Variants in DIAPH2 observed in about 807,000 individuals in gnomAD.
DIAPH2 encodes the protein protein diaphanous homolog 2.
DIAPH2 carries 35 observed loss-of-function variants against 92.7 expected under a neutral mutation model. The observed-to-expected ratio is 0.38, with a 90% CI of 0.29 to 0.50. The LOEUF (loss-of-function observed/expected upper bound fraction) is 0.50, where lower values mean the gene tolerates loss of function less well. DIAPH2 is among the 20% of genes least tolerant of loss of function. DIAPH2 has a pLI of 0.94. For synonymous variants in DIAPH2, 301 were observed against 280.4 expected (o/e 1.07, Z -0.73); for missense variants, 701 against 819.5 (o/e 0.86, Z 1.77).
At chrX:96,995,368 A>G (rs2066097971) in intron 17 of DIAPH2, among the ~76,000 whole-genome samples, 1 of 111,599 alleles carries the variant, frequency 9.0e-6, no homozygotes, top group African/African-American at 3.3e-5. Context: ...GTTTGTTAAG[A>G]GAAAGAAAGA....
chrX:96,888,637 ATATC>A (rs1468392598), intron 5 of DIAPH2, among the ~76,000 whole-genome samples: 1 of 99,741 alleles, frequency 1.0e-5, no homozygotes, highest in Non-Finnish European at 2.0e-5. Context: ...ACAGATATAT[ATATC>A]TATATATATA....
At chrX:96,885,093 T>C in intron 5 of DIAPH2, 1 of 1,200,907 alleles carries the variant, frequency 8.3e-7, no homozygotes, top group East Asian at 3.0e-5. Context: ...AGTCTGCTGA[T>C]TGAGGCAGGG....
At chrX:96,788,257 TTCC>T (rs1290412820) in intron 4 of DIAPH2, among the ~76,000 whole-genome samples, 1 of 111,832 alleles carries the variant, frequency 8.9e-6, no homozygotes, top group Non-Finnish European at 1.9e-5. Flanking sequence ...GAGTTACATG[TTCC>T]TCATTTGCCT....
intron 25 of DIAPH2, among the ~76,000 whole-genome samples, chrX:97,411,005 C>A (rs2069866014): frequency 1.8e-5 from 2 of 111,669 alleles, no homozygotes; most frequent in African/African-American, 6.5e-5. Context: ...AGGAGAACCT[C>A]CCCAACCTAG....
intron 3 of DIAPH2, 46 bp downstream of exon 3, chrX:96,738,808 C>T (rs1237682938): frequency 2.8e-6 from 3 of 1,057,687 alleles, no homozygotes; most frequent in East Asian, 3.0e-5. Flanking sequence ...ATGTGTGTGC[C>T]CAGAATAGCA....
chrX:97,506,642 A>G (rs184082133), intron 26 of DIAPH2, among the ~76,000 whole-genome samples: 13 of 110,376 alleles, frequency 1.2e-4, no homozygotes. Flanking sequence ...AACTCATTTG[A>G]ACTGTTTTTC....
At chrX:97,319,559 T>C (rs1249196615) in intron 23 of DIAPH2, among the ~76,000 whole-genome samples, 1 of 110,140 alleles carries the variant, frequency 9.1e-6, no homozygotes, top group African/African-American at 3.3e-5. Context: ...GCTAATTTTT[T>C]GTATTTTTAG....
intron 26 of DIAPH2, among the ~76,000 whole-genome samples, chrX:97,495,951 T>C (rs1331353546): frequency 1.8e-5 from 2 of 110,536 alleles, no homozygotes; most frequent in African/African-American, 3.3e-5. Context: ...AAATTATACC[T>C]CATTCCATAT....
chrX:97,269,813 C>T (rs1224708032), intron 23 of DIAPH2, among the ~76,000 whole-genome samples: 1 of 106,242 alleles, frequency 9.4e-6, no homozygotes, highest in Non-Finnish European at 1.9e-5. Flanking sequence ...AGTGCAATGG[C>T]ACTACCTTGA....
intron 23 of DIAPH2, among the ~76,000 whole-genome samples, chrX:97,248,429 T>A: frequency 8.9e-6 from 1 of 111,771 alleles, no homozygotes; most frequent in Non-Finnish European, 1.9e-5. Flanking sequence ...AAACTTCTAG[T>A]TTATAGCAGT....
chrX:96,766,892 G>A (rs1387775498), intron 4 of DIAPH2, among the ~76,000 whole-genome samples: 2 of 112,178 alleles, frequency 1.8e-5, no homozygotes, highest in East Asian at 2.8e-4. Flanking sequence ...TACTTTAAAA[G>A]TCAAGCCAGG....
At chrX:96,948,669 A>G (rs1173719136) in intron 14 of DIAPH2, among the ~76,000 whole-genome samples, 1 of 111,851 alleles carries the variant, frequency 8.9e-6, no homozygotes, top group Non-Finnish European at 1.9e-5. Context: ...GTGAAGAGAG[A>G]CTTTTCAGTC....
At chrX:97,187,281 C>CTTTTTTTTTTTTGTTTTTTTT (rs2067613634) in intron 22 of DIAPH2, among the ~76,000 whole-genome samples, 1 of 36,889 alleles carries the variant, frequency 2.7e-5, no homozygotes, top group African/African-American at 1.0e-4. Context: ...ATTAAGTAGC[C>CTTTTTTTTTTTTGTTTTTTTT]TTTTTTTTTT....
chrX:97,176,581 G>T, intron 22 of DIAPH2, among the ~76,000 whole-genome samples: 1 of 111,186 alleles, frequency 9.0e-6, no homozygotes, highest in Non-Finnish European at 1.9e-5. Context: ...AGGCTGGAGT[G>T]CAGTGGCGAG....
intron 26 of DIAPH2, among the ~76,000 whole-genome samples, chrX:97,494,517 GT>G (rs2070745583): frequency 1.8e-5 from 2 of 111,533 alleles, no homozygotes; most frequent in African/African-American, 6.5e-5. Flanking sequence ...GATTTAATTT[GT>G]TCCTTTAGTG....
At chrX:97,059,695 A>C (rs781366640) in intron 17 of DIAPH2, among the ~76,000 whole-genome samples, 1 of 112,275 alleles carries the variant, frequency 8.9e-6, no homozygotes, top group Non-Finnish European at 1.9e-5. Context: ...AGAAAATTTT[A>C]AGACAGAGAA....
At chrX:97,251,538 C>T (rs1395753850) in intron 23 of DIAPH2, among the ~76,000 whole-genome samples, 3 of 110,013 alleles carry the variant, frequency 2.7e-5, no homozygotes, top group East Asian at 5.7e-4. Context: ...ATTATCCTGC[C>T]TCCGCCTCCC....
At chrX:97,325,755 G>T (rs978492102) in intron 23 of DIAPH2, among the ~76,000 whole-genome samples, 13 of 109,952 alleles carry the variant, frequency 1.2e-4, no homozygotes, top group African/African-American at 3.3e-4. Context: ...TTTTTTGTAT[G>T]TTTAGTAGAG....
intron 17 of DIAPH2, 32 bp downstream of exon 17, chrX:96,965,239 G>A (rs368671839): frequency 2.4e-4 from 251 of 1,053,477 alleles, no homozygotes; most frequent in Non-Finnish European, 3.0e-4. Flanking sequence ...ATAAGTTCCC[G>A]ATTCAGGTAC....
Sources: allele counts gnomAD v4.1 joint callset (sites outside exome capture counted in the v4.1 genomes callset), GRCh38; gene constraint gnomAD v4.1.1; transcripts MANE v1.5; gene names NCBI Gene and HGNC (gene_info 2026-07-23, HGNC 2026-07-21).